Variants in VWC2 observed in about 807,000 individuals in gnomAD.
VWC2 encodes the protein brorin.
VWC2 carries 14 observed loss-of-function variants against 29.8 expected under a neutral mutation model. That is an observed-to-expected ratio of 0.47 (90% confidence interval 0.31 to 0.74). The LOEUF (loss-of-function observed/expected upper bound fraction) is 0.74. Ranked by LOEUF, VWC2 falls within the 30% of genes least tolerant of loss-of-function variation. The probability of loss-of-function intolerance (pLI) is 0.05; values close to 1 mark genes in which losing one functional copy is unlikely to be tolerated. For missense variants in VWC2, 457 were observed against 459.8 expected, an observed-to-expected ratio of 0.99 and a Z score of 0.05; for synonymous variants, 213 against 199.0, an observed-to-expected ratio of 1.07 and a Z score of -0.59.
chr7:49,883,613 T>C (rs970133273), intron 3 of VWC2, among the ~76,000 whole-genome samples: 2 of 152,052 alleles, frequency 1.3e-5, no homozygotes, highest in African/African-American at 4.8e-5. Flanking sequence ...TCTTCCAAAG[T>C]TGTGGAAATG....
intron 3 of VWC2, among the ~76,000 whole-genome samples, chr7:49,903,446 ATC>A (rs1562764204): frequency 6.6e-6 from 1 of 152,218 alleles, no homozygotes; most frequent in Non-Finnish European, 1.5e-5. Flanking sequence ...ACTTGGATAG[ATC>A]TCAAAGGCTT....
intron 2 of VWC2, among the ~76,000 whole-genome samples, chr7:49,789,198 AGT>A (rs1180583551): frequency 1.6e-5 from 2 of 128,900 alleles, no homozygotes; most frequent in African/African-American, 2.9e-5. Flanking sequence ...TGCATGTGTG[AGT>A]GTGGGTGTGT....
chr7:49,808,942 A>G (rs1788937020), intron 3 of VWC2, among the ~76,000 whole-genome samples: 1 of 152,028 alleles, frequency 6.6e-6, no homozygotes, highest in South Asian at 2.1e-4. Flanking sequence ...AAAGGCCTCA[A>G]ATCAGCAATG....
At chr7:49,799,862 A>G (rs1488850080) in intron 2 of VWC2, among the ~76,000 whole-genome samples, 1 of 152,230 alleles carries the variant, frequency 6.6e-6, no homozygotes, top group Non-Finnish European at 1.5e-5. Flanking sequence ...GCAAACCTGC[A>G]CAGCACGTTA....
chr7:49,775,718 C>A lies in VWC2; in HGVS notation c.283C>A (p.Gln95Lys). 1 of 1,521,308 alleles carries A rather than the reference C, an allele frequency of 6.6e-7. No homozygotes were observed. Among genetic ancestry groups the A allele is most frequent in the Non-Finnish European group, 8.8e-7 (1 of 1,137,270 alleles). The allele number at this position is 1,521,308 out of a possible 1,614,324, so 94.2% of individuals were successfully genotyped here. ...CCGTGAGCCGTGGAGCAAGCTGAAG[C>A]AGGCCTGGGTCTCCCAGGGCGGGGG... ...AGREPWSKLK[Q>K]AWVSQGGGAK... The change falls in exon 2 of 4, where the codon CAG becomes AAG. Residue 95 changes from glutamine (Q) to lysine (K), a missense_variant. Gln to Lys is a moderately conservative substitution (Grantham distance 53). Around this residue, in one of 2 missense-constraint regions of VWC2, gnomAD observed 272 missense variants for 202.7 expected, o/e 1.34. Transcript: ENST00000340652.
intron 3 of VWC2, among the ~76,000 whole-genome samples, chr7:49,871,863 A>G (rs576324697): frequency 6.7e-6 from 1 of 150,280 alleles, no homozygotes; most frequent in South Asian, 2.3e-4. Flanking sequence ...ATATACATAC[A>G]TATGTGCATA....
chr7:49,793,394 T>C (rs10224401), intron 2 of VWC2, among the ~76,000 whole-genome samples: 1 of 151,798 alleles, frequency 6.6e-6, no homozygotes, highest in African/African-American at 2.4e-5. Context: ...CTCTCATTCA[T>C]CCCATCCTGT....
At chr7:49,819,880 T>TTAGTC (rs760650587) in intron 3 of VWC2, among the ~76,000 whole-genome samples, 1 of 152,094 alleles carries the variant, frequency 6.6e-6, no homozygotes, top group Non-Finnish European at 1.5e-5. Flanking sequence ...TAGGGTACCT[T>TTAGTC]TAGTCTTTGT....
chr7:49,848,675 C>G (rs1329728074), intron 3 of VWC2, among the ~76,000 whole-genome samples: 1 of 152,234 alleles, frequency 6.6e-6, no homozygotes, highest in Non-Finnish European at 1.5e-5. Flanking sequence ...TCGTTTCTCA[C>G]CTCCTCAGAC....
chr7:49,792,740 T>C (rs1254306844), intron 2 of VWC2, among the ~76,000 whole-genome samples: 1 of 152,234 alleles, frequency 6.6e-6, no homozygotes, highest in African/African-American at 2.4e-5. Context: ...CCCTCGGGCT[T>C]GGCTGGAGGA....
chr7:49,875,286 C>T (rs1006842593), intron 3 of VWC2, among the ~76,000 whole-genome samples: 1 of 135,486 alleles, frequency 7.4e-6, no homozygotes, highest in African/African-American at 2.7e-5. Context: ...AGGAGAATCG[C>T]CTGAACCCAG....
At chr7:49,888,197 C>A (rs1484174285) in intron 3 of VWC2, among the ~76,000 whole-genome samples, 2 of 152,180 alleles carry the variant, frequency 1.3e-5, no homozygotes. Context: ...TTTCTGACAG[C>A]CAGTTAAATA....
intron 1 of VWC2, among the ~76,000 whole-genome samples, chr7:49,774,951 C>G (rs563100545): frequency 6.6e-6 from 1 of 151,772 alleles, no homozygotes; most frequent in Admixed American, 6.6e-5. Context: ...TAATAACCTT[C>G]GGGAAATGTG....
At chr7:49,840,977 C>T (rs138430703) in intron 3 of VWC2, among the ~76,000 whole-genome samples, 143 of 152,286 alleles carry the variant, frequency 9.4e-4, no homozygotes, top group African/African-American at 3.3e-3. Context: ...CAGATGGTGT[C>T]AGGAGAAGAG....
chr7:49,789,284 A>T lies in VWC2; in HGVS notation c.696+13153A>T, dbSNP rs1312090493. Among the ~76,000 whole-genome samples the T allele has an allele frequency of 8.5e-5, 9 of 105,410 alleles. No homozygotes were observed. In the East Asian group the frequency reaches 1.9e-3, roughly 22 times the overall value. 69.2% of individuals were successfully genotyped at this position (105,410 alleles called of 152,430 possible). ...GTGTGTGTGAGCGGGTGTGTGTGAG[A>T]GTGTGAGTGTGAGCGGGTGTGTGAG... is the stretch of plus-strand genomic sequence containing the variant. On this transcript the variant is annotated intron_variant, in intron 2 of 3. Transcript: ENST00000340652.
At chr7:49,804,391 A>G (rs912085729) in intron 3 of VWC2, among the ~76,000 whole-genome samples, 1 of 152,014 alleles carries the variant, frequency 6.6e-6, no homozygotes, top group African/African-American at 2.4e-5. Flanking sequence ...CTGCTGGGAG[A>G]GCTGAGGGCT....
chr7:49,787,142 C>A (rs1471839107), intron 2 of VWC2, among the ~76,000 whole-genome samples: 2 of 152,164 alleles, frequency 1.3e-5, no homozygotes, highest in Non-Finnish European at 2.9e-5. Flanking sequence ...ATTTTTCCTA[C>A]CCTTCCTGTA....
At chr7:49,784,698 C>A (rs561627644) in intron 2 of VWC2, among the ~76,000 whole-genome samples, 1 of 152,310 alleles carries the variant, frequency 6.6e-6, no homozygotes, top group Non-Finnish European at 1.5e-5. Flanking sequence ...GCAGGCTTAC[C>A]CTCTTATGGA....
intron 3 of VWC2, among the ~76,000 whole-genome samples, chr7:49,812,683 C>G (rs1280469407): frequency 6.6e-6 from 1 of 152,176 alleles, no homozygotes; most frequent in Non-Finnish European, 1.5e-5. Context: ...AGCCTGAACA[C>G]AGAAGCAAAG....
Sources: allele counts gnomAD v4.1 joint callset (sites outside exome capture counted in the v4.1 genomes callset), GRCh38; gene constraint gnomAD v4.1.1; regional missense constraint gnomAD v4.1.1; transcripts MANE v1.5; gene names NCBI Gene and HGNC (gene_info 2026-07-23, HGNC 2026-07-21).